HYCC2: variants seen among roughly 807,000 people sequenced by gnomAD.
HYCC2 encodes the protein hyccin 2.
At chr2:201,065,283 C>T in the HYCC2 span, among the ~76,000 whole-genome samples, 2 of 152,076 alleles carry the variant, frequency 1.3e-5, no homozygotes, top group African/African-American at 4.8e-5. Context: ...ATTAACAGTC[C>T]ATTCCTTTTT....
At chr2:201,054,904 A>G in the HYCC2 span, among the ~76,000 whole-genome samples, 1 of 152,150 alleles carries the variant, frequency 6.6e-6, no homozygotes, top group Admixed American at 6.5e-5. Context: ...GCATCAAGCA[A>G]TCCTCCTGAC....
the HYCC2 span, among the ~76,000 whole-genome samples, chr2:201,015,112 C>T: frequency 6.6e-6 from 1 of 152,126 alleles, no homozygotes; most frequent in African/African-American, 2.4e-5. Flanking sequence ...CAGGTAACTG[C>T]CCAATTTTGT....
At chr2:201,023,873 T>C in the HYCC2 span, 22 of 1,010,494 alleles carry the variant, frequency 2.2e-5, no homozygotes, top group Admixed American at 3.0e-4. Flanking sequence ...ATAGAGCACA[T>C]AATGTTTCTC....
the HYCC2 span, among the ~76,000 whole-genome samples, chr2:200,984,581 C>T: frequency 2.0e-4 from 30 of 152,274 alleles, no homozygotes; most frequent in East Asian, 5.8e-3. Flanking sequence ...TAGTAATTTC[C>T]TTTCTTCTGT....
At chr2:201,008,367 T>C in the HYCC2 span, among the ~76,000 whole-genome samples, 1 of 152,184 alleles carries the variant, frequency 6.6e-6, no homozygotes, top group Non-Finnish European at 1.5e-5. Context: ...TACCAAACAT[T>C]AGACAATGGG....
At chr2:201,043,084 G>A in the HYCC2 span, among the ~76,000 whole-genome samples, 1 of 152,156 alleles carries the variant, frequency 6.6e-6, no homozygotes, top group Non-Finnish European at 1.5e-5. Context: ...TTCTGTACTA[G>A]GAAAAATTCT....
the HYCC2 span, chr2:201,063,849 T>C: frequency 3.8e-6 from 6 of 1,591,852 alleles, no homozygotes; most frequent in East Asian, 4.5e-5. Flanking sequence ...GGAAGCCATT[T>C]TGGAGGTGGT....
chr2:201,044,632 G>C, the HYCC2 span, among the ~76,000 whole-genome samples: 7 of 152,276 alleles, frequency 4.6e-5, no homozygotes, highest in South Asian at 1.5e-3. Context: ...TATTTTTAAA[G>C]ATCTGATAAA....
the HYCC2 span, among the ~76,000 whole-genome samples, chr2:201,013,252 T>C: frequency 5.9e-5 from 9 of 151,998 alleles, no homozygotes; most frequent in Admixed American, 5.2e-4. Flanking sequence ...GCAGTATCAC[T>C]TGAGGTCAGG....
chr2:201,062,234 T>A, the HYCC2 span, among the ~76,000 whole-genome samples: 2 of 152,072 alleles, frequency 1.3e-5, no homozygotes, highest in African/African-American at 4.8e-5. Context: ...ATAATAGAAA[T>A]CTGGCCAGAC....
At chr2:201,024,658 C>T in the HYCC2 span, among the ~76,000 whole-genome samples, 1 of 152,282 alleles carries the variant, frequency 6.6e-6, no homozygotes. Flanking sequence ...TTACCAAATA[C>T]ATAACCAGAA....
the HYCC2 span, chr2:200,992,310 G>A: frequency 6.2e-7 from 1 of 1,611,194 alleles, no homozygotes; most frequent in African/African-American, 1.3e-5. Context: ...AGCTCTAGCT[G>A]GGCTCTATAA....
chr2:200,987,748 A>G, the HYCC2 span, among the ~76,000 whole-genome samples: 13 of 152,366 alleles, frequency 8.5e-5, no homozygotes, highest in East Asian at 1.2e-3. Flanking sequence ...AATCAGGATC[A>G]TTAAAATGGC....
At chr2:201,060,853 G>C in the HYCC2 span, among the ~76,000 whole-genome samples, 10 of 152,084 alleles carry the variant, frequency 6.6e-5, no homozygotes, top group Admixed American at 4.6e-4. Context: ...GGGTAGAGTA[G>C]GAAGCAAGAC....
the HYCC2 span, chr2:200,997,644 A>T: frequency 2.9e-6 from 2 of 693,742 alleles, no homozygotes; most frequent in Non-Finnish European, 5.1e-6. Flanking sequence ...TTCTTAATCA[A>T]ATCAATATAG....
chr2:201,027,279 C>T, the HYCC2 span, among the ~76,000 whole-genome samples: 5 of 152,254 alleles, frequency 3.3e-5, no homozygotes, highest in African/African-American at 9.6e-5. Flanking sequence ...AGTTGAATCT[C>T]TGAATAGACC....
chr2:201,003,939 G>A, the HYCC2 span, among the ~76,000 whole-genome samples: 36 of 147,954 alleles, frequency 2.4e-4, no homozygotes, highest in Non-Finnish European at 4.6e-4. Flanking sequence ...TCAGCCTCCC[G>A]AGTAGCTAGG....
chr2:201,000,268 A>C, the HYCC2 span, among the ~76,000 whole-genome samples: 1 of 151,734 alleles, frequency 6.6e-6, no homozygotes, highest in Non-Finnish European at 1.5e-5. Context: ...CAGGAAGCTG[A>C]GGCAGGAGTA....
At chr2:201,017,032 TACTC>T in the HYCC2 span, 2 of 1,613,966 alleles carry the variant, frequency 1.2e-6, no homozygotes, top group Non-Finnish European at 1.7e-6. Context: ...ATGCAACCAT[TACTC>T]TGTCTGTCTC....
Sources: allele counts gnomAD v4.1 joint callset (sites outside exome capture counted in the v4.1 genomes callset), GRCh38; gene constraint gnomAD v4.1.1; transcripts MANE v1.5; gene names NCBI Gene and HGNC (gene_info 2026-07-23, HGNC 2026-07-21).